The following CCDC144A variants were observed in gnomAD, a reference collection of about 807,000 sequenced individuals.
The protein encoded by CCDC144A is coiled-coil domain containing 144A.
CCDC144A carries 41 observed loss-of-function variants against 143.8 expected under a neutral mutation model. The ratio of observed to expected loss-of-function variants is 0.29; its 90% CI spans 0.22 to 0.37. The LOEUF is 0.37. CCDC144A is among the 10% of genes least tolerant of loss of function. The pLI is 1.00. For missense variants in CCDC144A, 637 were observed against 1,488.8 expected, an observed-to-expected ratio of 0.43 and a Z score of 9.41; for synonymous variants, 242 against 517.9, an observed-to-expected ratio of 0.47 and a Z score of 7.23.
chr17:16,700,999 G>C (rs944195834), intron 2 of CCDC144A, among the ~76,000 whole-genome samples: 1 of 151,686 alleles, frequency 6.6e-6, no homozygotes, highest in Non-Finnish European at 1.5e-5. Flanking sequence ...AATCATTTTT[G>C]TGAATTTTTT....
At chr17:16,702,396 T>C (rs1355312382) in intron 2 of CCDC144A, among the ~76,000 whole-genome samples, 4 of 152,074 alleles carry the variant, frequency 2.6e-5, no homozygotes, top group Non-Finnish European at 4.4e-5. Context: ...CTAGGGAAAA[T>C]AGCTAGAACT....
intron 12 of CCDC144A, among the ~76,000 whole-genome samples, chr17:16,742,146 G>C (rs540187791): frequency 6.6e-6 from 1 of 151,222 alleles, no homozygotes; most frequent in Non-Finnish European, 1.5e-5. Context: ...CAGAACACTA[G>C]AATTCATTCC....
intron 15 of CCDC144A, among the ~76,000 whole-genome samples, chr17:16,768,273 C>T (rs62075073): frequency 0.076 from 11,479 of 150,096 alleles, no homozygotes; most frequent in South Asian, 0.1. Context: ...TTGTGGAGGC[C>T]TGGGGAGTTT....
chr17:16,772,654 G>A, intron 16 of CCDC144A: 2 of 1,606,062 alleles, frequency 1.2e-6, no homozygotes, highest in Non-Finnish European at 1.7e-6. Context: ...TTCTCCTCCA[G>A]CTCTTTGCAC....
intron 12 of CCDC144A, among the ~76,000 whole-genome samples, chr17:16,736,672 C>T (rs938660964): frequency 6.6e-6 from 1 of 151,794 alleles, no homozygotes; most frequent in African/African-American, 2.4e-5. Context: ...TGGCAGGATT[C>T]ACATATAGCA....
At chr17:16,757,746 G>A (rs1439993892) in intron 12 of CCDC144A, among the ~76,000 whole-genome samples, 2 of 152,248 alleles carry the variant, frequency 1.3e-5, no homozygotes, top group Non-Finnish European at 2.9e-5. Flanking sequence ...GGCTGCTGGT[G>A]GTGGCAGTGG....
chr17:16,690,123 G>A (rs959567956), upstream of CCDC144A: 3 of 289,542 alleles, frequency 1.0e-5, no homozygotes, highest in Admixed American at 1.1e-4. Context: ...GCCACCTGCA[G>A]GCCAAGGAGT....
intron 12 of CCDC144A, among the ~76,000 whole-genome samples, chr17:16,743,689 CTT>C (rs1333728888): frequency 5.9e-5 from 9 of 151,962 alleles, no homozygotes; most frequent in Admixed American, 5.9e-4. Flanking sequence ...TATTCTTTCT[CTT>C]TCTTAACTTT....
chr17:16,667,702 CTG>C, the CCDC144A span, among the ~76,000 whole-genome samples: 1 of 152,068 alleles, frequency 6.6e-6, no homozygotes, highest in Non-Finnish European at 1.5e-5. Context: ...ACTGATATAA[CTG>C]AGGATGAACT....
At chr17:16,688,491 T>TTTG (rs939120934), upstream of CCDC144A, among the ~76,000 whole-genome samples, 1 of 123,920 alleles carries the variant, frequency 8.1e-6, no homozygotes, top group African/African-American at 3.8e-5. Flanking sequence ...TCTGTTTTTT[T>TTTG]TTTTTTTTTT....
the CCDC144A span, among the ~76,000 whole-genome samples, chr17:16,669,714 C>G: frequency 4.6e-5 from 7 of 152,194 alleles, no homozygotes; most frequent in South Asian, 1.5e-3. Context: ...GACACCATAC[C>G]TCTAGGTTAT....
In CCDC144A at chr17:16,734,065, G is replaced by A. The variant is rs567927237; in HGVS notation, c.2419-625G>A. On this transcript the variant is annotated intron_variant, in intron 11 of 16. Transcript: ENST00000399273. ...TGAAGTGGGAGGATCACCTGAGCCC[G>A]GGAGGCCAAGGCTACAGTGAGTCTT... 6.7e-3 allele frequency among the ~76,000 whole-genome samples: 1,015 copies of A among 151,574 alleles called. 16 individuals carry two copies. Among genetic ancestry groups the A allele is most frequent in the African/African-American group, 0.023 (964 of 41,202 alleles).
intron 8 of CCDC144A, among the ~76,000 whole-genome samples, chr17:16,725,480 C>CA (rs1176338010): frequency 6.6e-6 from 1 of 150,534 alleles, no homozygotes; most frequent in Non-Finnish European, 1.5e-5. Flanking sequence ...AGTCCATCTT[C>CA]AAAAAATATT....
upstream of CCDC144A, among the ~76,000 whole-genome samples, chr17:16,687,027 G>A (rs1231860846): frequency 6.6e-6 from 1 of 152,036 alleles, no homozygotes; most frequent in East Asian, 1.9e-4. Flanking sequence ...ACCAGGTGAA[G>A]GTGGAAAGTT....
chr17:16,686,077 C>T (rs868486791), upstream of CCDC144A, among the ~76,000 whole-genome samples: 89 of 148,312 alleles, frequency 6.0e-4, 1 homozygote, highest in Admixed American at 2.4e-3. Context: ...CCACCGAGCC[C>T]GGCTGTTTTT....
chr17:16,755,174 G>A lies in CCDC144A; in HGVS notation c.3373-6251G>A, dbSNP rs1915018426. 2.0e-5 allele frequency among the ~76,000 whole-genome samples: 3 copies of A among 151,964 alleles called. No individual in the cohort carries two copies. The South Asian group carries it at 6.2e-4, about 31-fold the overall frequency. On this transcript the variant is annotated intron_variant, in intron 12 of 16. Transcript: ENST00000399273. ...GCAGCATATTATTTGGTCTTTTTTTGTAATCCATTCATTCTATCTATATCT... is the reference window on the plus strand; with the variant it reads ...GCAGCATATTATTTGGTCTTTTTTTATAATCCATTCATTCTATCTATATCT...
intron 6 of CCDC144A, among the ~76,000 whole-genome samples, chr17:16,716,289 T>G (rs1424542664): frequency 6.6e-6 from 1 of 152,256 alleles, no homozygotes; most frequent in Non-Finnish European, 1.5e-5. Flanking sequence ...TTTCAGAGAC[T>G]TCTGCTAAAC....
At chr17:16,771,191 A>C (rs1422976058) in intron 15 of CCDC144A, among the ~76,000 whole-genome samples, 2 of 152,384 alleles carry the variant, frequency 1.3e-5, no homozygotes, top group African/African-American at 2.4e-5. Flanking sequence ...AATTAAGTAG[A>C]TAACTATAAC....
chr17:16,667,277 G>A, the CCDC144A span, among the ~76,000 whole-genome samples: 1 of 131,360 alleles, frequency 7.6e-6, no homozygotes, highest in East Asian at 2.4e-4. Context: ...GGCGGCTGAG[G>A]GGCTGAGGGG....
Sources: gnomAD v4.1 joint callset for allele counts (sites outside exome capture counted in the v4.1 genomes callset) on GRCh38, gnomAD v4.1.1 for gene constraint, MANE v1.5 for transcripts, NCBI Gene and HGNC (gene_info 2026-07-23, HGNC 2026-07-21) for gene names.